Variants in UTRN observed in about 807,000 individuals in gnomAD.
The protein encoded by UTRN is utrophin, also known as dystrophin-related protein 1.
In UTRN, 283 loss-of-function variants were observed where a neutral mutation model predicts 463.9. That is an observed-to-expected ratio of 0.61 (90% confidence interval 0.55 to 0.67). The LOEUF is 0.67. Ranked by LOEUF, UTRN falls within the 30% of genes least tolerant of loss-of-function variation. The probability of loss-of-function intolerance (pLI) is 0.00; values close to 1 mark genes in which losing one functional copy is unlikely to be tolerated. For synonymous variants in UTRN, 1,442 were observed against 1,431.5 expected, an observed-to-expected ratio of 1.01 and a Z score of -0.17; for missense variants, 3,922 against 4,084.3, an observed-to-expected ratio of 0.96 and a Z score of 1.08.
Position 144,393,043 on chromosome 6 carries a change from CCATCCATT to C in UTRN, c.80-10072_80-10065del, listed in dbSNP as rs1189961626. Reference sequence around the variant, plus strand: ...TCCATCCATCCATCCATCCATCCATCCATCCATTCATCCATCCATCCATCCCTTTATCT... The same window carrying C: ...TCCATCCATCCATCCATCCATCCATCCATCCATCCATCCATCCCTTTATCT... On this transcript the variant is annotated intron_variant, in intron 2 of 74. Coordinates refer to ENST00000367545, the MANE Select transcript of UTRN (RefSeq NM_007124.3). Among the ~76,000 whole-genome samples the C allele has an allele frequency of 7.6e-5, 10 of 131,356 alleles. No homozygotes were observed. The South Asian group carries it at 1.1e-3, about 14-fold the overall frequency. 86.2% of individuals were successfully genotyped at this position (131,356 alleles called of 152,430 possible).
chr6:144,577,321 GTT>G, intron 51 of UTRN, 33 bp downstream of exon 51: 1 of 1,601,968 alleles, frequency 6.2e-7, no homozygotes, highest in Non-Finnish European at 8.5e-7. Context: ...CAGTACCTGT[GTT>G]TGCCCTGTGT....
At chr6:144,297,860 C>A (rs192928882) in intron 2 of UTRN, among the ~76,000 whole-genome samples, 8 of 152,192 alleles carry the variant, frequency 5.3e-5, no homozygotes, top group Admixed American at 1.3e-4. Context: ...CCATTCCCGA[C>A]TGGAAAACGT....
intron 51 of UTRN, among the ~76,000 whole-genome samples, chr6:144,592,600 A>AC (rs1370869923): frequency 6.6e-6 from 1 of 151,978 alleles, no homozygotes; most frequent in Non-Finnish European, 1.5e-5. Flanking sequence ...CGATCTCTTG[A>AC]CCTCGTGATC....
chr6:144,421,412 G>A (rs952720915), intron 3 of UTRN, among the ~76,000 whole-genome samples: 41 of 152,070 alleles, frequency 2.7e-4, no homozygotes, highest in Admixed American at 2.3e-3. Context: ...AATTTGGGCC[G>A]GGTGCAGTGG....
At chr6:144,368,961 T>C (rs1174674398) in intron 2 of UTRN, among the ~76,000 whole-genome samples, 1 of 152,240 alleles carries the variant, frequency 6.6e-6, no homozygotes, top group East Asian at 1.9e-4. Context: ...TTTTAATTTC[T>C]GTTTTGACCT....
At position 144,474,587 on chromosome 6, in the gene UTRN, A is replaced by G. The variant is rs1790998518; in HGVS notation, c.3181-17A>G. The G allele has an allele frequency of 1.2e-6, 2 of 1,604,734 alleles. No homozygotes were observed. The highest frequency in any genetic ancestry group is 1.7e-5 in the Admixed American group (1 of 58,382). On this transcript the variant is annotated splice_polypyrimidine_tract_variant and intron_variant, in intron 24 of 74. Transcript: ENST00000367545. ...TTATATAGTAATGAACTCAACATGC[A>G]TCTTTTATGTGTTTAGGCATTTGTT... is the stretch of plus-strand genomic sequence containing the variant.
At chr6:144,442,618 G>A (rs1787284168) in intron 13 of UTRN, among the ~76,000 whole-genome samples, 1 of 146,682 alleles carries the variant, frequency 6.8e-6, no homozygotes, top group Non-Finnish European at 1.5e-5. Context: ...CAGGCAAAGA[G>A]AGAGAGCTTG....
chr6:144,692,851 T>C (rs2128693456), intron 52 of UTRN, among the ~76,000 whole-genome samples: 1 of 152,284 alleles, frequency 6.6e-6, no homozygotes, highest in Admixed American at 6.5e-5. Context: ...TTTACTCTGT[T>C]GATAGTTTCT....
chr6:144,614,227 A>G (rs1435311826), intron 51 of UTRN, among the ~76,000 whole-genome samples: 1 of 152,140 alleles, frequency 6.6e-6, no homozygotes. Flanking sequence ...AATGAGATTC[A>G]TGGTGGTAAA....
intron 64 of UTRN, among the ~76,000 whole-genome samples, chr6:144,799,027 G>A (rs559206692): frequency 1.9e-3 from 286 of 152,286 alleles, no homozygotes; most frequent in Non-Finnish European, 3.0e-3. Flanking sequence ...GGCGTGAGCC[G>A]CCATACCTGG....
intron 60 of UTRN, among the ~76,000 whole-genome samples, chr6:144,774,795 A>G (rs146649530): frequency 3.3e-5 from 5 of 152,328 alleles, no homozygotes; most frequent in East Asian, 1.9e-4. Flanking sequence ...TGGCACCTTA[A>G]CAAGTGAGAT....
intron 41 of UTRN, among the ~76,000 whole-genome samples, chr6:144,526,742 C>T (rs1463986819): frequency 2.1e-5 from 3 of 142,000 alleles, no homozygotes; most frequent in Admixed American, 7.0e-5. Flanking sequence ...GCCTCAATAC[C>T]TTGGTTTTTT....
At chr6:144,751,465 T>A (rs1791385895) in intron 55 of UTRN, among the ~76,000 whole-genome samples, 1 of 152,204 alleles carries the variant, frequency 6.6e-6, no homozygotes, top group Non-Finnish European at 1.5e-5. Flanking sequence ...CTGTAGTTGA[T>A]TTCCTCTGAG....
chr6:144,604,309 A>G (rs3924656), intron 51 of UTRN, among the ~76,000 whole-genome samples: 23,479 of 152,056 alleles, frequency 0.15, 2,012 homozygotes, highest in South Asian at 0.27. Context: ...AAGTGGGGCA[A>G]CTTCCACTCA....
At position 144,451,380 on chromosome 6, in the gene UTRN, A is replaced by G. The variant is rs756503195; in HGVS notation, c.2083A>G (p.Ile695Val). ...TGAATCTTCAAACAGGTTTGATGCTATAAGTGCAGAGCTGTTGAACTGGAT... is the reference window on the plus strand; with the variant it reads ...TGAATCTTCAAACAGGTTTGATGCTGTAAGTGCAGAGCTGTTGAACTGGAT... Reference protein sequence around the residue: ...DIEAKKKFDAISAELLNWILK... With the variant: ...DIEAKKKFDAVSAELLNWILK... Residue 695 changes from isoleucine to valine, a missense_variant, in exon 18 of 75, where the codon ATA (isoleucine) becomes GTA (valine). By Grantham distance (29) the Ile-to-Val change is conservative. Around this residue, in one of 3 missense-constraint regions of UTRN, gnomAD observed 2,349 missense variants for 2,303.8 expected, o/e 1.02. Coordinates refer to ENST00000367545, the MANE Select transcript of UTRN (RefSeq NM_007124.3). The G allele has an allele frequency of 5.6e-6, 9 of 1,612,868 alleles. No individual in the cohort carries two copies. Among genetic ancestry groups the G allele is most frequent in the Admixed American group, 3.3e-5 (2 of 59,830 alleles).
intron 51 of UTRN, among the ~76,000 whole-genome samples, chr6:144,590,874 A>ACACG (rs1491088315): frequency 2.6e-5 from 3 of 115,232 alleles, no homozygotes; most frequent in Non-Finnish European, 5.2e-5. Context: ...ACACACACAC[A>ACACG]CGCACATGCA....
rs150630101 is a variant in UTRN at position 144,686,522 on chromosome 6, A to G, written c.7652+7944A>G. Among the ~76,000 whole-genome samples the G allele has an allele frequency of 3.6e-3, 531 of 147,414 alleles. 4 individuals carry two copies. The highest frequency in any genetic ancestry group is 0.012 in the African/African-American group (500 of 40,560). The stretch of plus-strand genomic sequence containing the variant: ...CCCTAATGTTAATGTGCTGCAGTCT[A>G]TCTCTTTTCTTAGGCCTAGTAGTAA... On this transcript the variant is annotated intron_variant, in intron 52 of 74. Transcript: ENST00000367545.
intron 50 of UTRN, among the ~76,000 whole-genome samples, chr6:144,565,597 A>G (rs1486773614): frequency 1.3e-5 from 2 of 152,196 alleles, no homozygotes; most frequent in Non-Finnish European, 2.9e-5. Flanking sequence ...CATGTTCAGA[A>G]ATAGAGGGAG....
chr6:144,444,222 G>T, intron 13 of UTRN, 59 bp from the exon 14 acceptor site: 3 of 1,312,102 alleles, frequency 2.3e-6, no homozygotes, highest in Non-Finnish European at 3.2e-6. Flanking sequence ...TTTCTTCAAG[G>T]ATTGTGATAA....
Sources: allele counts gnomAD v4.1 joint callset (sites outside exome capture counted in the v4.1 genomes callset), GRCh38; gene constraint gnomAD v4.1.1; regional missense constraint gnomAD v4.1.1; transcripts MANE v1.5; gene names NCBI Gene and HGNC (gene_info 2026-07-23, HGNC 2026-07-21).